ACSM4: variants seen among roughly 807,000 people sequenced by gnomAD.
ACSM4 encodes acyl-coenzyme A synthetase ACSM4, mitochondrial.
ACSM4 carries 66 observed loss-of-function variants against 73.0 expected under a neutral mutation model. The observed-to-expected ratio is 0.90, with a 90% CI of 0.74 to 1.11. The LOEUF is 1.11. ACSM4 is among the 50% of genes least tolerant of loss of function. ACSM4 has a pLI of 0.00. For synonymous variants in ACSM4, 222 were observed against 254.0 expected, an observed-to-expected ratio of 0.87 and a Z score of 1.20; for missense variants, 645 against 714.4, an observed-to-expected ratio of 0.90 and a Z score of 1.11.
At chr12:7,322,591 C>T in intron 7 of ACSM4, 50 bp downstream of exon 7, 1 of 1,551,152 alleles carries the variant, frequency 6.4e-7, no homozygotes, top group Non-Finnish European at 8.7e-7. Context: ...CCTTTCTGCC[C>T]CAGGTTTTTC....
intron 2 of ACSM4, among the ~76,000 whole-genome samples, chr12:7,310,212 G>T (rs1290214690): frequency 3.9e-5 from 6 of 152,144 alleles, no homozygotes; most frequent in African/African-American, 1.4e-4. Flanking sequence ...CATAGTAATG[G>T]CCCACCATTA....
chr12:7,307,985 T>C (rs899441095), intron 2 of ACSM4, among the ~76,000 whole-genome samples: 9 of 152,178 alleles, frequency 5.9e-5, no homozygotes, highest in Non-Finnish European at 1.3e-4. Flanking sequence ...TTAATAGTAA[T>C]AGAAATTTGG....
chr12:7,310,883 T>C, intron 3 of ACSM4, 137 bp downstream of exon 3: 2 of 957,248 alleles, frequency 2.1e-6, no homozygotes, highest in Non-Finnish European at 3.1e-6. Context: ...AATTACCTAA[T>C]AGCTGGGTGC....
intron 11 of ACSM4, among the ~76,000 whole-genome samples, chr12:7,325,768 A>T (rs1245834820): frequency 6.6e-6 from 1 of 152,196 alleles, no homozygotes; most frequent in East Asian, 1.9e-4. Context: ...TTCTAGGAGG[A>T]AGCCCTATTT....
chr12:7,323,278 T>A lies in ACSM4; in HGVS notation c.1170T>A (p.Gly390=). 1 of 1,611,368 alleles carries A rather than the reference T, an allele frequency of 6.2e-7. No individual in the cohort carries two copies. The highest frequency in any genetic ancestry group is 8.5e-7 in the Non-Finnish European group (1 of 1,178,940). Residue 390 remains glycine (G), a synonymous_variant, in exon 8 of 13, where the codon GGT becomes GGA. Transcript: ENST00000399422. ...ANQKGQEIKP[G]SMGKGMLPYD... ...AGAAAGGCCAAGAAATTAAACCAGG[T>A]TCAATGGGGAAAGGAATGCTGCCCT...
intron 3 of ACSM4, among the ~76,000 whole-genome samples, chr12:7,314,357 G>T (rs1011738229): frequency 7.2e-5 from 11 of 152,156 alleles, no homozygotes; most frequent in Admixed American, 6.6e-5. Flanking sequence ...TACAAAGCAA[G>T]AAGTTATTAG....
chr12:7,323,890 T>C (rs1946483581), intron 9 of ACSM4, among the ~76,000 whole-genome samples: 1 of 152,138 alleles, frequency 6.6e-6, no homozygotes, highest in Non-Finnish European at 1.5e-5. Flanking sequence ...AAAAATTTAA[T>C]TTCCAGCCAG....
At chr12:7,317,051 A>G (rs1946425145) in intron 3 of ACSM4, 86 bp from the exon 4 acceptor site, 2 of 1,441,042 alleles carry the variant, frequency 1.4e-6, no homozygotes, top group African/African-American at 1.4e-5. Context: ...TGGTAGCAAG[A>G]GGGCATAAGT....
Position 7,310,692 on chromosome 12 carries a change from TCC to T in ACSM4, c.567_568del (p.Leu190GlyfsTer21). The T allele has an allele frequency of 6.2e-7, 1 of 1,613,506 alleles. No individual in the cohort carries two copies. The highest frequency in any genetic ancestry group is 8.5e-7 in the Non-Finnish European group (1 of 1,179,746). ...GAGTGTCCTGACCTTAAGACAAAAC[TCC>T]TGGTGTCTCCACAAAGCTGGAATGG... On this transcript the variant is annotated frameshift_variant, in exon 3 of 13. Transcript: ENST00000399422. LOFTEE classifies it high-confidence loss of function.
chr12:7,317,896 C>T (rs892761901), intron 4 of ACSM4, 130 bp from the exon 5 acceptor site: 29 of 981,304 alleles, frequency 3.0e-5, no homozygotes, highest in Non-Finnish European at 3.9e-5. Context: ...TATCACCTTG[C>T]CTGGGGCTTC....
rs2136332974 is a variant in ACSM4, at chr12:7,318,102, A to G, written c.841A>G (p.Ser281Gly). The change falls in exon 5 of 13, where the codon AGT becomes GGT. Residue 281 changes from serine (S) to glycine (G), a missense_variant. Physicochemically the swap from Ser to Gly is moderately conservative, Grantham distance 56. Transcript: ENST00000399422. Reference sequence around the variant, plus strand: ...GGGCTGGGTCAAGGCCGCCATTGGCAGTGTGTTTTCTTCCTGGCTGTGTGG... The same window carrying G: ...GGGCTGGGTCAAGGCCGCCATTGGCGGTGTGTTTTCTTCCTGGCTGTGTGG... ...DTGWVKAAIGSVFSSWLCGAC... is the reference protein window; with the variant it reads ...DTGWVKAAIGGVFSSWLCGAC... 1.9e-6 allele frequency: 3 copies of G among 1,613,740 alleles called. No individual in the cohort carries two copies. The East Asian group carries it at 6.7e-5, about 36-fold the overall frequency.
At chr12:7,327,955 C>A (rs184759976) in intron 12 of ACSM4, among the ~76,000 whole-genome samples, 277 of 152,158 alleles carry the variant, frequency 1.8e-3, no homozygotes, top group Non-Finnish European at 2.9e-3. Context: ...AAGAACTGTT[C>A]TTTTTGTATT....
chr12:7,323,961 G>A (rs1672814268), intron 9 of ACSM4, among the ~76,000 whole-genome samples: 1 of 152,096 alleles, frequency 6.6e-6, no homozygotes, highest in African/African-American at 2.4e-5. Context: ...AGGGTGGCTT[G>A]AGCCCAAGAG....
chr12:7,314,435 G>A (rs774920201), intron 3 of ACSM4, among the ~76,000 whole-genome samples: 1 of 152,332 alleles, frequency 6.6e-6, no homozygotes, highest in East Asian at 1.9e-4. Context: ...AAGGAAGTCA[G>A]ATAATGGAAT....
intron 11 of ACSM4, 71 bp downstream of exon 11, chr12:7,324,669 G>C: frequency 6.6e-7 from 1 of 1,507,730 alleles, no homozygotes; most frequent in Non-Finnish European, 9.2e-7. Flanking sequence ...CACTGTAAAG[G>C]CTGAACCAAG....
chr12:7,306,102 A>T (rs907313306), intron 1 of ACSM4, among the ~76,000 whole-genome samples: 5 of 152,246 alleles, frequency 3.3e-5, no homozygotes, highest in Non-Finnish European at 7.3e-5. Context: ...AAAGAAATTT[A>T]TTCAAGGAAT....
intron 7 of ACSM4, among the ~76,000 whole-genome samples, chr12:7,323,024 C>A (rs961632822): frequency 5.9e-5 from 9 of 152,218 alleles, no homozygotes; most frequent in Non-Finnish European, 8.8e-5. Context: ...TAAGGCCCAT[C>A]AATCTGTGTT....
intron 9 of ACSM4, among the ~76,000 whole-genome samples, chr12:7,323,800 G>C (rs770642628): frequency 6.6e-6 from 1 of 152,124 alleles, no homozygotes; most frequent in East Asian, 1.9e-4. Flanking sequence ...GTGCAGTTGG[G>C]GGGTGCTAGA....
At chr12:7,324,664 T>G (rs938056757) in intron 11 of ACSM4, 66 bp downstream of exon 11, 1 of 1,537,474 alleles carries the variant, frequency 6.5e-7, no homozygotes, top group African/African-American at 1.4e-5. Flanking sequence ...TTGACCACTG[T>G]AAAGGCTGAA....
Sources: gnomAD v4.1 joint callset for allele counts (sites outside exome capture counted in the v4.1 genomes callset) on GRCh38, gnomAD v4.1.1 for gene constraint, MANE v1.5 for transcripts, NCBI Gene and HGNC (gene_info 2026-07-23, HGNC 2026-07-21) for gene names.